Variants in FAR2 observed in about 807,000 individuals in gnomAD.
The protein encoded by FAR2 is epididymis secretory protein Li 81.
A neutral mutation model predicts 56.0 loss-of-function variants in FAR2; 19 were observed. The observed-to-expected ratio is 0.34, with a 90% CI of 0.24 to 0.50. FAR2 has a LOEUF of 0.50. FAR2 is among the 20% of genes least tolerant of loss of function. The pLI is 0.98. For missense variants in FAR2, 508 were observed against 642.2 expected (o/e 0.79, Z 2.26); for synonymous variants, 219 against 218.8 (o/e 1.00, Z -0.01).
At position 29,195,846 on chromosome 12, in the gene FAR2, T is replaced by C. The variant is rs540560421; in HGVS notation, c.-39+46439T>C. ...ATTTTATCCGTTAAGTAATTTCTCATCCCTTACCTTCCCCTCGTCCTTCTG... is the reference window on the plus strand; with the variant it reads ...ATTTTATCCGTTAAGTAATTTCTCACCCCTTACCTTCCCCTCGTCCTTCTG... On this transcript the variant is annotated intron_variant, in intron 1 of 11. Coordinates refer to ENST00000536681, the MANE Select transcript of FAR2 (RefSeq NM_001271783.2). 7.9e-5 allele frequency among the ~76,000 whole-genome samples: 12 copies of C among 152,260 alleles called. No individual in the cohort carries two copies. The East Asian group carries it at 2.3e-3, about 29-fold the overall frequency.
At chr12:29,156,857 C>T (rs1555176789) in intron 1 of FAR2, 3 of 151,730 alleles carry the variant, frequency 2.0e-5, no homozygotes, top group African/African-American at 4.8e-5. Context: ...TTCCATGGAA[C>T]GTAGAGTCAG....
chr12:29,302,672 TG>T, intron 4 of FAR2, among the ~76,000 whole-genome samples: 2 of 152,310 alleles, frequency 1.3e-5, no homozygotes, highest in Middle Eastern at 6.8e-3. Context: ...CATGCATTTT[TG>T]TGTGTAATTT....
At chr12:29,257,142 G>C (rs541478665) in intron 1 of FAR2, among the ~76,000 whole-genome samples, 1 of 152,210 alleles carries the variant, frequency 6.6e-6, no homozygotes, top group Non-Finnish European at 1.5e-5. Flanking sequence ...TTTGTGTCTA[G>C]CTCAGGGATT....
At chr12:29,176,126 A>G (rs983694464) in intron 1 of FAR2, among the ~76,000 whole-genome samples, 1 of 152,260 alleles carries the variant, frequency 6.6e-6, no homozygotes, top group African/African-American at 2.4e-5. Flanking sequence ...GAAGTATTTT[A>G]AGATCATCAT....
chr12:29,301,005 C>T (rs1378089271), intron 4 of FAR2, among the ~76,000 whole-genome samples: 3 of 152,152 alleles, frequency 2.0e-5, no homozygotes, highest in African/African-American at 4.8e-5. Context: ...CCTTTGCAGG[C>T]CTAAAGTCTC....
At chr12:29,259,600 C>G (rs2136690828) in intron 1 of FAR2, among the ~76,000 whole-genome samples, 1 of 152,158 alleles carries the variant, frequency 6.6e-6, no homozygotes, top group East Asian at 1.9e-4. Context: ...AACATTTGTT[C>G]TCTAGGAATT....
chr12:29,186,950 G>A (rs1163341136), intron 1 of FAR2, among the ~76,000 whole-genome samples: 7 of 151,990 alleles, frequency 4.6e-5, no homozygotes, highest in Middle Eastern at 3.4e-3. Context: ...CACCACAACC[G>A]GCTAATTTTT....
intron 2 of FAR2, among the ~76,000 whole-genome samples, chr12:29,292,504 C>G (rs1948987316): frequency 6.6e-6 from 1 of 152,126 alleles, no homozygotes; most frequent in African/African-American, 2.4e-5. Flanking sequence ...ACATCTGACT[C>G]TAGAAGAAAA....
At chr12:29,215,006 TA>T (rs1192561528) in intron 1 of FAR2, among the ~76,000 whole-genome samples, 4 of 152,100 alleles carry the variant, frequency 2.6e-5, no homozygotes, top group African/African-American at 7.2e-5. Flanking sequence ...GCAGTCATGC[TA>T]AGATCTAGTG....
At chr12:29,189,906 T>C (rs185649847) in intron 1 of FAR2, among the ~76,000 whole-genome samples, 2 of 152,224 alleles carry the variant, frequency 1.3e-5, no homozygotes, top group Non-Finnish European at 2.9e-5. Context: ...AAGGAGGAGA[T>C]GGAGCTGATT....
intron 1 of FAR2, among the ~76,000 whole-genome samples, chr12:29,262,517 C>A (rs1948437583): frequency 6.6e-6 from 1 of 152,158 alleles, no homozygotes; most frequent in African/African-American, 2.4e-5. Context: ...GTAATCCCAG[C>A]TACTCAGGAG....
intron 2 of FAR2, among the ~76,000 whole-genome samples, chr12:29,271,429 G>A (rs1214684309): frequency 6.6e-6 from 1 of 152,102 alleles, no homozygotes; most frequent in Admixed American, 6.5e-5. Flanking sequence ...TAATTTCATA[G>A]GAACTAAATG....
chr12:29,212,962 T>G (rs1947569805), intron 1 of FAR2, among the ~76,000 whole-genome samples: 1 of 152,204 alleles, frequency 6.6e-6, no homozygotes, highest in Non-Finnish European at 1.5e-5. Context: ...ATTTTTCCTT[T>G]GTAGTGTCAT....
chr12:29,225,404 GC>G (rs1947750609), intron 1 of FAR2, among the ~76,000 whole-genome samples: 1 of 152,126 alleles, frequency 6.6e-6, no homozygotes, highest in South Asian at 2.1e-4. Flanking sequence ...GAAGCCCCTA[GC>G]AGAAGGCCTG....
At chr12:29,244,240 A>G (rs1350468009) in intron 1 of FAR2, among the ~76,000 whole-genome samples, 3 of 152,224 alleles carry the variant, frequency 2.0e-5, no homozygotes, top group Non-Finnish European at 2.9e-5. Context: ...AAAATGCTGA[A>G]TTCAGGAAAG....
At chr12:29,183,178 C>T (rs908863290) in intron 1 of FAR2, among the ~76,000 whole-genome samples, 2 of 152,134 alleles carry the variant, frequency 1.3e-5, no homozygotes, top group Non-Finnish European at 2.9e-5. Flanking sequence ...TGACAATACA[C>T]TCTCCTGGTT....
intron 2 of FAR2, among the ~76,000 whole-genome samples, chr12:29,273,770 T>C (rs908108844): frequency 2.0e-5 from 3 of 152,252 alleles, no homozygotes; most frequent in Non-Finnish European, 4.4e-5. Context: ...TGGTAGGCCC[T>C]GGTGGCCTGG....
intron 1 of FAR2, among the ~76,000 whole-genome samples, chr12:29,191,191 C>A (rs1315624394): frequency 6.6e-6 from 1 of 152,208 alleles, no homozygotes; most frequent in Admixed American, 6.5e-5. Flanking sequence ...CCCTTCCTAA[C>A]CAAAATAGAA....
At chr12:29,333,155 G>A (rs769703388) in intron 11 of FAR2, 38 of 330,810 alleles carry the variant, frequency 1.1e-4, no homozygotes, top group Admixed American at 2.2e-4. Flanking sequence ...TCTTTCAGTC[G>A]TAATCCCTGA....
Sources: allele counts gnomAD v4.1 joint callset (sites outside exome capture counted in the v4.1 genomes callset), GRCh38; gene constraint gnomAD v4.1.1; transcripts MANE v1.5; gene names NCBI Gene and HGNC (gene_info 2026-07-23, HGNC 2026-07-21).